RADX: variants seen among roughly 807,000 people sequenced by gnomAD.
The protein encoded by RADX is RPA-related protein RADX.
Under a neutral mutation model 61.6 loss-of-function variants are expected in RADX, and 36 were observed. That is an observed-to-expected ratio of 0.58 (90% CI 0.45 to 0.77). RADX has a LOEUF of 0.77. RADX is among the 30% of genes least tolerant of loss of function. The pLI, the probability that RADX is intolerant of heterozygous loss-of-function variation, is 0.00. For missense variants in RADX, 497 were observed against 651.1 expected (o/e 0.76, Z 2.58); for synonymous variants, 272 against 237.9 (o/e 1.14, Z -1.32).
At position 106,633,222 on chromosome X, in the gene RADX, C is replaced by T. The variant is rs1480260983; in HGVS notation, c.1273C>T (p.Gln425Ter). Residue 425 changes from glutamine to a stop codon, truncating the protein, a stop_gained, in exon 6 of 14, where the codon CAG becomes TAG. Coordinates refer to ENST00000372548, the MANE Select transcript of RADX (RefSeq NM_018015.6). LOFTEE classifies it high-confidence loss of function. ...TATAGTGGAACTGTTTTCAACATCGCAGCCAGAAATCTTTGAAAATATTTA... is the reference window on the plus strand; with the variant it reads ...TATAGTGGAACTGTTTTCAACATCGTAGCCAGAAATCTTTGAAAATATTTA... ...PFIVELFSTS[Q>*]PEIFENIYPM... 2.5e-6 allele frequency: 3 copies of T among 1,204,263 alleles called. No homozygotes were observed. In the Admixed American group the frequency reaches 6.5e-5, roughly 26 times the overall value.
Position 106,632,767 on chromosome X carries a change from T to C in RADX, c.1088+34T>C, listed in dbSNP as rs754469555. ...GTTTCTTGTAAAATGTCTTAAATAT[T>C]AATCTTCAGTCTTGGTTACTGAAAA... is the stretch of plus-strand genomic sequence containing the variant. On this transcript the variant is annotated intron_variant, in intron 4 of 13. Coordinates refer to ENST00000372548, the MANE Select transcript of RADX (RefSeq NM_018015.6). 6 of 1,017,365 alleles carry C rather than the reference T, an allele frequency of 5.9e-6. No individual in the cohort carries two copies. In the South Asian group the frequency reaches 1.3e-4, roughly 21 times the overall value. The allele number at this position is 1,017,365 out of a possible 1,213,427, so 83.8% of individuals were successfully genotyped here.
intron 1 of RADX, among the ~76,000 whole-genome samples, chrX:106,619,499 A>G (rs1395566252): frequency 8.9e-6 from 1 of 112,122 alleles, no homozygotes; most frequent in African/African-American, 3.2e-5. Flanking sequence ...GGGACAATTT[A>G]TAGCTCAGGG....
intron 13 of RADX, among the ~76,000 whole-genome samples, chrX:106,675,513 T>C (rs1928483540): frequency 8.9e-6 from 1 of 112,109 alleles, no homozygotes; most frequent in Admixed American, 9.5e-5. Context: ...GATGCTGGCT[T>C]TTAATTATGC....
At chrX:106,637,642 G>T in intron 7 of RADX, 118 bp from the exon 8 acceptor site, 2 of 532,172 alleles carry the variant, frequency 3.8e-6, no homozygotes, top group African/African-American at 2.4e-5. Context: ...TTTTTTTCTT[G>T]GTGATAAAAG....
intron 8 of RADX, among the ~76,000 whole-genome samples, chrX:106,639,127 T>G (rs1927440943): frequency 8.9e-6 from 1 of 111,930 alleles, no homozygotes; most frequent in Non-Finnish European, 1.9e-5. Context: ...AGAGAAACTT[T>G]AAAATGCGGA....
At chrX:106,661,155 A>T (rs1338050932) in intron 11 of RADX, among the ~76,000 whole-genome samples, 1 of 111,403 alleles carries the variant, frequency 9.0e-6, no homozygotes, top group East Asian at 2.8e-4. Flanking sequence ...AAGCCTAACC[A>T]TATCAATAAG....
In RADX at chrX:106,640,650, T is replaced by C. The variant is rs774953538; in HGVS notation, c.1833T>C (p.Tyr611=). Residue 611 remains tyrosine (Y), a synonymous_variant, in exon 10 of 14, where the codon TAT becomes TAC. Transcript: ENST00000372548. ...HQDDEPVNSQ[Y]FQTTSTNLSL... The stretch of plus-strand genomic sequence containing the variant: ...ATGATGAGCCTGTGAATTCTCAGTA[T>C]TTCCAAACTACATCTACAAATTTAA... 3 of 1,196,921 alleles carry C rather than the reference T, an allele frequency of 2.5e-6. No homozygotes were observed. The highest frequency in any genetic ancestry group is 3.4e-6 in the Non-Finnish European group (3 of 883,595).
chrX:106,641,942 A>C (rs1484669139), intron 10 of RADX, among the ~76,000 whole-genome samples: 1 of 111,998 alleles, frequency 8.9e-6, no homozygotes, highest in Non-Finnish European at 1.9e-5. Context: ...TGGTTTCTTT[A>C]AAGTGTCAGG....
chrX:106,621,925 G>T (rs372323354), intron 1 of RADX, among the ~76,000 whole-genome samples: 6 of 89,940 alleles, frequency 6.7e-5, no homozygotes, highest in Admixed American at 1.2e-4. Flanking sequence ...CAATTCTATG[G>T]TTTTTTTTTT....
At chrX:106,651,852 A>G (rs1038252269) in intron 11 of RADX, among the ~76,000 whole-genome samples, 1 of 110,394 alleles carries the variant, frequency 9.1e-6, no homozygotes, top group Non-Finnish European at 1.9e-5. Context: ...GTAAAGGTAG[A>G]AAAAAGGGGG....
chrX:106,665,119 A>C (rs923971720), intron 12 of RADX, among the ~76,000 whole-genome samples: 2 of 112,312 alleles, frequency 1.8e-5, no homozygotes, highest in Admixed American at 9.4e-5. Flanking sequence ...TGGTTCATAT[A>C]TATTTTAAGC....
At chrX:106,626,636 CAAGT>C (rs1927080248) in intron 3 of RADX, among the ~76,000 whole-genome samples, 1 of 111,975 alleles carries the variant, frequency 8.9e-6, no homozygotes, top group Non-Finnish European at 1.9e-5. Flanking sequence ...TTTATGCTTT[CAAGT>C]AAGTAATTGC....
chrX:106,642,733 G>A (rs1431704230), intron 10 of RADX, among the ~76,000 whole-genome samples: 2 of 111,433 alleles, frequency 1.8e-5, no homozygotes, highest in African/African-American at 6.5e-5. Context: ...ATATCTCTTT[G>A]GTATACTGAT....
chrX:106,631,560 T>G (rs4355941), intron 3 of RADX, among the ~76,000 whole-genome samples: 48,333 of 106,936 alleles, frequency 0.45, 9,717 homozygotes, highest in Middle Eastern at 0.65. Context: ...ATTACAAAAA[T>G]TAGCTGGACA....
At chrX:106,665,595 G>A (rs952995398) in intron 12 of RADX, among the ~76,000 whole-genome samples, 3 of 108,831 alleles carry the variant, frequency 2.8e-5, no homozygotes, top group Non-Finnish European at 3.8e-5. Flanking sequence ...TCTTAGTTGA[G>A]ACTGCCTAAA....
intron 13 of RADX, among the ~76,000 whole-genome samples, chrX:106,675,106 C>T (rs932181087): frequency 2.7e-5 from 3 of 111,349 alleles, no homozygotes; most frequent in African/African-American, 9.8e-5. Flanking sequence ...TTATTGAATA[C>T]TGATTACTGA....
intron 11 of RADX, 45 bp downstream of exon 11, chrX:106,648,431 C>A: frequency 2.3e-6 from 2 of 877,465 alleles, no homozygotes; most frequent in Non-Finnish European, 3.3e-6. Context: ...CTTTATGAAA[C>A]ATTATTCTAT....
At chrX:106,636,669 A>G in intron 7 of RADX, 22 bp downstream of exon 7, 1 of 878,713 alleles carries the variant, frequency 1.1e-6, no homozygotes, top group Non-Finnish European at 1.6e-6. Flanking sequence ...CTTTGTGTAT[A>G]TTATTAGAAA....
Position 106,648,324 on chromosome X carries a change from C to T in RADX, c.1916C>T (p.Pro639Leu). The change falls in exon 11 of 14, where the codon CCT (proline) becomes CTT (leucine). Residue 639 changes from proline (P) to leucine (L), a missense_variant. By Grantham distance (98) the Pro-to-Leu change is moderately conservative. Around this residue, in one of 3 missense-constraint regions of RADX, gnomAD observed 267 missense variants for 306.9 expected, o/e 0.87. Coordinates refer to ENST00000372548, the MANE Select transcript of RADX (RefSeq NM_018015.6). ...CTTATCCTTTATAGAGTTGCTGTACCTCAACCAGGAGCTTCTGTACAAACA... is the reference window on the plus strand; with the variant it reads ...CTTATCCTTTATAGAGTTGCTGTACTTCAACCAGGAGCTTCTGTACAAACA... ...QGPHANPVAVPQPGASVQTKG... is the reference protein window; with the variant it reads ...QGPHANPVAVLQPGASVQTKG... 8.4e-7 allele frequency: 1 copy of T among 1,189,414 alleles called. No individual in the cohort carries two copies. The highest frequency in any genetic ancestry group is 1.1e-6 in the Non-Finnish European group (1 of 878,550).
Sources: gnomAD v4.1 joint callset for allele counts (sites outside exome capture counted in the v4.1 genomes callset) on GRCh38, gnomAD v4.1.1 for gene constraint, gnomAD v4.1.1 regional missense constraint, MANE v1.5 for transcripts, NCBI Gene and HGNC (gene_info 2026-07-23, HGNC 2026-07-21) for gene names.